The following SATB2 variants were observed in gnomAD, a reference collection of about 807,000 sequenced individuals.
SATB2 encodes SATB homeobox 2.
A neutral mutation model predicts 73.4 loss-of-function variants in SATB2; 1 was observed. The observed-to-expected ratio is 0.01, with a 90% CI of 0.00 to 0.06. The LOEUF is 0.06. Among genes scored for constraint, SATB2 ranks in the 10% least tolerant of loss-of-function variants. The pLI is 1.00. For synonymous variants in SATB2, 397 were observed against 367.0 expected (o/e 1.08, Z -0.93); for missense variants, 459 against 945.8 (o/e 0.49, Z 6.75).
At chr2:199,427,542 A>C (rs1691373139) in intron 3 of SATB2, among the ~76,000 whole-genome samples, 1 of 152,090 alleles carries the variant, frequency 6.6e-6, no homozygotes, top group Non-Finnish European at 1.5e-5. Context: ...TCTTTTAGAG[A>C]TATTTATTAA....
chr2:199,438,809 T>A (rs1016335518), intron 2 of SATB2, among the ~76,000 whole-genome samples: 6 of 152,240 alleles, frequency 3.9e-5, no homozygotes, highest in African/African-American at 1.4e-4. Context: ...TCACATTTAC[T>A]CTGTGACAGG....
chr2:199,353,443 C>T (rs1418653837), intron 6 of SATB2, among the ~76,000 whole-genome samples: 1 of 152,054 alleles, frequency 6.6e-6, no homozygotes, highest in Non-Finnish European at 1.5e-5. Flanking sequence ...GCATGAGCCA[C>T]CATGCCTGGC....
rs745857265 is a variant in SATB2, at chr2:199,272,703, T to C, written c.1741-31A>G. On this transcript the variant is annotated intron_variant, in intron 10 of 10. Coordinates refer to ENST00000417098, the MANE Select transcript of SATB2 (RefSeq NM_001172509.2). This position sits in a 1 kb window ranked among gnomAD's most constrained non-coding sequence, Gnocchi z 6.7. ...AATTAAGAGAGAAAAAAATGAACAC[T>C]GGACTCATGATTTTACCTTTCCAAA... The C allele has an allele frequency of 1.1e-5, 17 of 1,585,992 alleles. No homozygotes were observed. The Admixed American group carries it at 2.3e-4, about 22-fold the overall frequency.
Position 199,308,725 on chromosome 2 carries a change from T to C in SATB2, c.1740+35A>G. The C allele has an allele frequency of 6.3e-7, 1 of 1,591,282 alleles. No individual in the cohort carries two copies. Among genetic ancestry groups the C allele is most frequent in the Non-Finnish European group, 8.6e-7 (1 of 1,159,658 alleles). On this transcript the variant is annotated intron_variant, in intron 10 of 10. Transcript: ENST00000417098. The surrounding 1 kb of genome is among the most constrained non-coding windows in gnomAD (Gnocchi z 4.6). ...CAGCTACTGCTGGCACACAGAGCCC[T>C]GATCAGGTGGGGTACGGCGGTCGGG...
At chr2:199,470,856 G>A (rs1295805071) in intron 1 of SATB2, 1 of 152,312 alleles carries the variant, frequency 6.6e-6, no homozygotes, top group Non-Finnish European at 1.5e-5. Context: ...CAAAGAGCTG[G>A]CGACCCCGCT....
upstream of SATB2, chr2:199,458,148 G>A (rs1471068787): frequency 1.3e-5 from 2 of 151,642 alleles, no homozygotes; most frequent in Non-Finnish European, 2.6e-5. Context: ...GGGTGGGGGG[G>A]ATGGATCTAA....
intron 10 of SATB2, among the ~76,000 whole-genome samples, chr2:199,276,594 C>T (rs1692319931): frequency 6.6e-6 from 1 of 152,158 alleles, no homozygotes; most frequent in Non-Finnish European, 1.5e-5. Flanking sequence ...ATTACTCCAA[C>T]TAAGAGAATG....
At chr2:199,359,161 A>T (rs1689068702) in intron 6 of SATB2, among the ~76,000 whole-genome samples, 1 of 152,184 alleles carries the variant, frequency 6.6e-6, no homozygotes, top group African/African-American at 2.4e-5. Flanking sequence ...AATTCAACCT[A>T]CCTGAAGAAA....
chr2:199,381,945 C>A, intron 3 of SATB2, 125 bp from the exon 4 acceptor site: 3 of 1,062,352 alleles, frequency 2.8e-6, no homozygotes, highest in Admixed American at 4.0e-5. Flanking sequence ...TATTTTACAA[C>A]CCAGTGCAAT....
intron 9 of SATB2, among the ~76,000 whole-genome samples, chr2:199,312,042 C>CA (rs35945320): frequency 0.11 from 14,675 of 130,534 alleles, 698 homozygotes; most frequent in East Asian, 0.17. Context: ...CAGTATCAGG[C>CA]AAAAAAAAAA....
At chr2:199,440,621 G>A (rs1691788067) in intron 2 of SATB2, among the ~76,000 whole-genome samples, 1 of 152,170 alleles carries the variant, frequency 6.6e-6, no homozygotes, top group Admixed American at 6.5e-5. Flanking sequence ...GGCCCTCTAG[G>A]CTCCCCCAGC....
At chr2:199,416,060 T>C (rs951861105) in intron 3 of SATB2, among the ~76,000 whole-genome samples, 1 of 152,238 alleles carries the variant, frequency 6.6e-6, no homozygotes, top group Non-Finnish European at 1.5e-5. Flanking sequence ...AAAGGAAAAG[T>C]AGAACTACTG....
chr2:199,295,355 TA>T (rs1692998619), intron 10 of SATB2, among the ~76,000 whole-genome samples: 2 of 151,110 alleles, frequency 1.3e-5, no homozygotes, highest in South Asian at 2.1e-4. Context: ...GAGCTTGAAA[TA>T]AAAAAGTTAA....
chr2:199,321,393 CTA>C (rs1238806633), intron 9 of SATB2, among the ~76,000 whole-genome samples: 1 of 90,886 alleles, frequency 1.1e-5, no homozygotes, highest in Non-Finnish European at 2.6e-5. Flanking sequence ...ATATATATGT[CTA>C]TATACACACA....
chr2:199,411,832 T>C (rs1451790870), intron 3 of SATB2, among the ~76,000 whole-genome samples: 1 of 152,196 alleles, frequency 6.6e-6, no homozygotes, highest in Non-Finnish European at 1.5e-5. Context: ...ATAAGTGTTA[T>C]AGGGGCATAA....
chr2:199,444,512 A>AAAAT (rs1270956575), intron 2 of SATB2, among the ~76,000 whole-genome samples: 2 of 152,356 alleles, frequency 1.3e-5, no homozygotes, highest in East Asian at 3.9e-4. Flanking sequence ...TAAATTATTT[A>AAAAT]AGGATAAAAT....
intron 10 of SATB2, among the ~76,000 whole-genome samples, chr2:199,305,712 CTT>C (rs2105764115): frequency 6.6e-6 from 1 of 152,228 alleles, no homozygotes; most frequent in African/African-American, 2.4e-5. Flanking sequence ...AAAGCTCCCT[CTT>C]TTTATTCCAG....
intron 2 of SATB2, among the ~76,000 whole-genome samples, chr2:199,440,236 G>A (rs536113432): frequency 6.6e-6 from 1 of 152,326 alleles, no homozygotes; most frequent in East Asian, 1.9e-4. Context: ...GATGCAGTGT[G>A]TCCTTCCTAA....
chr2:199,459,289 G>A (rs1692404259), upstream of SATB2, among the ~76,000 whole-genome samples: 2 of 151,904 alleles, frequency 1.3e-5, no homozygotes, highest in South Asian at 4.1e-4. This position sits in a 1 kb window ranked among gnomAD's most constrained non-coding sequence, Gnocchi z 4.2. Flanking sequence ...TCCCGCGAAG[G>A]CGTAACAGAG....
Sources: gnomAD v4.1 joint callset for allele counts (sites outside exome capture counted in the v4.1 genomes callset) on GRCh38, gnomAD v4.1.1 for gene constraint, Gnocchi (gnomAD v3.1) non-coding constraint, MANE v1.5 for transcripts, NCBI Gene and HGNC (gene_info 2026-07-23, HGNC 2026-07-21) for gene names.